THSD4: variants seen among roughly 807,000 people sequenced by gnomAD.
The protein encoded by THSD4 is thrombospondin type-1 domain-containing protein 4.
In THSD4, 69 loss-of-function variants were observed where a neutral mutation model predicts 119.0. That is an observed-to-expected ratio of 0.58 (90% CI 0.48 to 0.71). The LOEUF is 0.71. Ranked by LOEUF, THSD4 falls within the 30% of genes least tolerant of loss-of-function variation. THSD4 has a pLI of 0.00. For synonymous variants in THSD4, 524 were observed against 540.4 expected (o/e 0.97, Z 0.42); for missense variants, 1,393 against 1,391.1 (o/e 1.00, Z -0.02).
At chr15:71,713,556 T>C (rs74025513) in intron 8 of THSD4, among the ~76,000 whole-genome samples, 463 of 152,268 alleles carry the variant, frequency 3.0e-3, no homozygotes, top group African/African-American at 0.01. Context: ...TGAAAATAGA[T>C]TTATATAAAG....
intron 1 of THSD4, among the ~76,000 whole-genome samples, chr15:71,127,902 G>A (rs2141358683): frequency 6.6e-6 from 1 of 152,230 alleles, no homozygotes; most frequent in African/African-American, 2.4e-5. Context: ...CTGTGCAGAA[G>A]CTTTTTAGTT....
chr15:71,670,088 T>C (rs750289819), intron 8 of THSD4, among the ~76,000 whole-genome samples: 33 of 152,318 alleles, frequency 2.2e-4, no homozygotes, highest in Non-Finnish European at 4.1e-4. Context: ...GTACCTTTTT[T>C]TTTATTATTA....
chr15:71,555,727 T>G (rs1372009638), intron 7 of THSD4, among the ~76,000 whole-genome samples: 1 of 152,212 alleles, frequency 6.6e-6, no homozygotes, highest in East Asian at 1.9e-4. Flanking sequence ...AGACATAGTC[T>G]CCTATATTGC....
chr15:71,635,364 A>AACACAC (rs10565218), intron 7 of THSD4, among the ~76,000 whole-genome samples: 13 of 150,190 alleles, frequency 8.7e-5, no homozygotes, highest in African/African-American at 3.2e-4. Context: ...AGTGGGTGGG[A>AACACAC]ACACACACAC....
At chr15:71,722,148 G>A (rs539183029) in intron 8 of THSD4, among the ~76,000 whole-genome samples, 2 of 152,156 alleles carry the variant, frequency 1.3e-5, no homozygotes, top group Non-Finnish European at 2.9e-5. Flanking sequence ...GGTAGTTCTG[G>A]ATGCCATTCC....
At chr15:71,125,680 T>C (rs918227121) in intron 1 of THSD4, among the ~76,000 whole-genome samples, 1 of 152,008 alleles carries the variant, frequency 6.6e-6, no homozygotes, top group Non-Finnish European at 1.5e-5. Context: ...CAGACCCAGC[T>C]CTCCAGTCAG....
At chr15:71,567,607 C>A (rs1481260244) in intron 7 of THSD4, among the ~76,000 whole-genome samples, 1 of 150,978 alleles carries the variant, frequency 6.6e-6, no homozygotes. Context: ...CCCCCCCACA[C>A]ACACACACAC....
At chr15:71,758,167 C>T (rs1344581958) in intron 15 of THSD4, 92 bp downstream of exon 15, 1 of 1,419,910 alleles carries the variant, frequency 7.0e-7, no homozygotes, top group African/African-American at 1.4e-5. Context: ...TCAGGTGTCC[C>T]AGCTTTGAAT....
At chr15:71,289,904 A>T (rs542911977) in intron 6 of THSD4, among the ~76,000 whole-genome samples, 2 of 152,034 alleles carry the variant, frequency 1.3e-5, no homozygotes, top group East Asian at 3.9e-4. Context: ...AGTAACTGGG[A>T]TTCACTTTTC....
intron 1 of THSD4, among the ~76,000 whole-genome samples, chr15:71,121,766 T>C (rs2040410909): frequency 6.6e-6 from 1 of 152,158 alleles, no homozygotes; most frequent in Admixed American, 6.5e-5. Context: ...GGGTAGAGAA[T>C]GCAGCTGTCT....
intron 1 of THSD4, among the ~76,000 whole-genome samples, chr15:71,104,894 G>T (rs1473574143): frequency 6.6e-6 from 1 of 152,156 alleles, no homozygotes; most frequent in African/African-American, 2.4e-5. Context: ...TGACCCGTAG[G>T]GCTGAGTGAC....
chr15:71,125,472 G>T (rs2040445735), intron 1 of THSD4, among the ~76,000 whole-genome samples: 2 of 152,332 alleles, frequency 1.3e-5, no homozygotes, highest in East Asian at 1.9e-4. Context: ...TTGTTACTTT[G>T]GTTCTTTCCA....
At chr15:71,238,986 A>G (rs1182377749) in intron 4 of THSD4, among the ~76,000 whole-genome samples, 1 of 152,208 alleles carries the variant, frequency 6.6e-6, no homozygotes, top group Non-Finnish European at 1.5e-5. Flanking sequence ...CATCCTAGTG[A>G]ACATGAAATG....
chr15:71,111,186 G>A, upstream of THSD4: 1 of 1,612,824 alleles, frequency 6.2e-7, no homozygotes, highest in Non-Finnish European at 8.5e-7. Context: ...TGAGAAAGAG[G>A]ATGAGAGCAA....
chr15:71,119,985 T>C (rs1170427213), intron 1 of THSD4, among the ~76,000 whole-genome samples: 6 of 152,210 alleles, frequency 3.9e-5, no homozygotes. Context: ...TAGCAGGCGC[T>C]CAGTGTTAGT....
intron 1 of THSD4, among the ~76,000 whole-genome samples, chr15:71,137,203 G>T (rs764822934): frequency 6.6e-6 from 1 of 152,130 alleles, no homozygotes; most frequent in Non-Finnish European, 1.5e-5. Context: ...ACAGAGCTCC[G>T]CAGACAGCAC....
intron 7 of THSD4, among the ~76,000 whole-genome samples, chr15:71,438,978 A>G (rs887000348): frequency 2.0e-5 from 3 of 152,210 alleles, no homozygotes; most frequent in Non-Finnish European, 4.4e-5. Context: ...CAATCATGAA[A>G]AGCATTCCAA....
At chr15:71,701,927 G>T (rs1430267963) in intron 8 of THSD4, among the ~76,000 whole-genome samples, 2 of 152,122 alleles carry the variant, frequency 1.3e-5, no homozygotes, top group African/African-American at 4.8e-5. Flanking sequence ...AATTAAAATT[G>T]TGCTGATGAA....
At position 71,513,454 on chromosome 15, in the gene THSD4, T is replaced by C. The variant is rs2048311641; in HGVS notation, c.1152+101631T>C. Among the ~76,000 whole-genome samples, 4 of 152,334 alleles carry C rather than the reference T, an allele frequency of 2.6e-5. No homozygotes were observed. In the Middle Eastern group the frequency reaches 0.01, roughly 389 times the overall value. On this transcript the variant is annotated intron_variant, in intron 7 of 17. Transcript: ENST00000261862. Reference sequence around the variant, plus strand: ...TAATAAAATGGGCAAAAGGCTTAAATTGACATTTAGCAAAAAAGATATATG... The same window carrying C: ...TAATAAAATGGGCAAAAGGCTTAAACTGACATTTAGCAAAAAAGATATATG...
Sources: allele counts gnomAD v4.1 joint callset (sites outside exome capture counted in the v4.1 genomes callset), GRCh38; gene constraint gnomAD v4.1.1; transcripts MANE v1.5; gene names NCBI Gene and HGNC (gene_info 2026-07-23, HGNC 2026-07-21).